WDR25: variants seen among roughly 807,000 people sequenced by gnomAD.
WDR25 encodes WD repeat-containing protein 25.
Under a neutral mutation model 47.7 loss-of-function variants are expected in WDR25, and 35 were observed. The ratio of observed to expected loss-of-function variants is 0.73; its 90% CI spans 0.56 to 0.97. The LOEUF is 0.97. Among genes scored for constraint, WDR25 ranks in the 50% least tolerant of loss-of-function variants. The probability of loss-of-function intolerance (pLI) is 0.00; values close to 1 mark genes in which losing one functional copy is unlikely to be tolerated. For synonymous variants in WDR25, 248 were observed against 278.9 expected (o/e 0.89, Z 1.10); for missense variants, 634 against 704.7 (o/e 0.90, Z 1.14).
Position 100,525,718 on chromosome 14 carries a change from T to C in WDR25, c.1102-152T>C. The C allele has an allele frequency of 1.2e-6, 1 of 855,784 alleles. No individual in the cohort carries two copies. The highest frequency in any genetic ancestry group is 1.8e-6 in the Non-Finnish European group (1 of 568,852). The allele number at this position is 855,784 out of a possible 1,614,324, so 53.0% of individuals were successfully genotyped here. ...TGGGGCAGGAGGGTCCATGATTCCA[T>C]ATATGGCTTGTGGGTGCTGCTCAGC... On this transcript the variant is annotated intron_variant, in intron 4 of 6. Transcript: ENST00000402312. This position sits in a 1 kb window ranked among gnomAD's most constrained non-coding sequence, Gnocchi z 4.6.
rs1040059603 is a variant in WDR25 at position 100,407,520 on chromosome 14, C to T, written c.822+25774C>T. On this transcript the variant is annotated intron_variant, in intron 2 of 6. Transcript: ENST00000402312. This position sits in a 1 kb window ranked among gnomAD's most constrained non-coding sequence, Gnocchi z 4.1. Reference sequence around the variant, plus strand: ...GTGGGGCTCATGGATGGTTTTAGGCCCTTCTGCCCCCTTTGTCAGTGTGCC... The same window carrying T: ...GTGGGGCTCATGGATGGTTTTAGGCTCTTCTGCCCCCTTTGTCAGTGTGCC... 6.6e-6 allele frequency: 1 copy of T among 152,234 alleles called. No individual in the cohort carries two copies. The highest frequency in any genetic ancestry group is 1.5e-5 in the Non-Finnish European group (1 of 68,114). 9.4% of individuals were successfully genotyped at this position (152,234 alleles called of 1,614,324 possible).
intron 2 of WDR25, among the ~76,000 whole-genome samples, chr14:100,438,521 T>C (rs1898568654): frequency 6.6e-6 from 1 of 152,256 alleles, no homozygotes; most frequent in Non-Finnish European, 1.5e-5. Flanking sequence ...TGAGCTTTTA[T>C]TGAACGCCCA....
At chr14:100,495,536 C>T (rs1900703779) in intron 4 of WDR25, among the ~76,000 whole-genome samples, 1 of 152,220 alleles carries the variant, frequency 6.6e-6, no homozygotes, top group South Asian at 2.1e-4. Context: ...TTTAATCTCT[C>T]TGACTTGTCC....
chr14:100,418,172 C>G (rs1179311395), intron 2 of WDR25, among the ~76,000 whole-genome samples: 1 of 151,252 alleles, frequency 6.6e-6, no homozygotes, highest in Admixed American at 6.6e-5. Context: ...GAACTCCTGA[C>G]CTCGTGATCC....
rs1901126149 is a variant in WDR25 at position 100,506,764 on chromosome 14, GT to G, written c.1102-19099del. On this transcript the variant is annotated intron_variant, in intron 4 of 6. Transcript: ENST00000402312. This position sits in a 1 kb window ranked among gnomAD's most constrained non-coding sequence, Gnocchi z 4.8. ...GGCCCATTTTTTAATAGGGTTATTT[GT>G]TTTTTTGCTTGTTCAATTGTTTAAG... Among the ~76,000 whole-genome samples, 1 of 151,804 alleles carries G rather than the reference GT, an allele frequency of 6.6e-6. No homozygotes were observed. The highest frequency in any genetic ancestry group is 1.5e-5 in the Non-Finnish European group (1 of 67,906).
intron 2 of WDR25, among the ~76,000 whole-genome samples, chr14:100,389,863 C>T (rs183180486): frequency 3.9e-4 from 59 of 152,276 alleles, no homozygotes; most frequent in African/African-American, 1.0e-3. Context: ...CCCCATAGAA[C>T]GAGGGCCATA....
intron 2 of WDR25, among the ~76,000 whole-genome samples, chr14:100,459,890 G>GTGTGTGTATATATA (rs1555392120): frequency 1.9e-3 from 93 of 47,788 alleles, no homozygotes; most frequent in African/African-American, 7.1e-3. Context: ...ATATGTGTGT[G>GTGTGTGTATATATA]TGTGTATATA....
intron 2 of WDR25, among the ~76,000 whole-genome samples, chr14:100,432,889 A>G (rs1033131984): frequency 3.3e-5 from 5 of 152,354 alleles, no homozygotes; most frequent in Middle Eastern, 3.4e-3. Flanking sequence ...CCCAGGCTAT[A>G]TGGTATAACC....
At position 100,440,177 on chromosome 14, in the gene WDR25, T is replaced by C. The variant is rs567702754; in HGVS notation, c.823-27844T>C. Among the ~76,000 whole-genome samples the C allele has an allele frequency of 2.0e-5, 3 of 152,374 alleles. No individual in the cohort carries two copies. The highest frequency in any genetic ancestry group is 4.8e-5 in the African/African-American group (2 of 41,588). ...TAGTCCTGGGGTGGAAAGCAGCGTT[T>C]TCCTTTTTCAATTTCAACCTGACTC... On this transcript the variant is annotated intron_variant, in intron 2 of 6. Coordinates refer to ENST00000402312, the MANE Select transcript of WDR25 (RefSeq NM_001161476.3). The surrounding 1 kb of genome is among the most constrained non-coding windows in gnomAD (Gnocchi z 4.4).
chr14:100,529,232 G>A lies in WDR25; in HGVS notation c.1413+24G>A, dbSNP rs1253309754. 1 of 1,612,296 alleles carries A rather than the reference G, an allele frequency of 6.2e-7. No homozygotes were observed. Among genetic ancestry groups the A allele is most frequent in the African/African-American group, 1.3e-5 (1 of 75,062 alleles). On this transcript the variant is annotated intron_variant, in intron 6 of 6. Coordinates refer to ENST00000402312, the MANE Select transcript of WDR25 (RefSeq NM_001161476.3). The surrounding 1 kb of genome is among the most constrained non-coding windows in gnomAD (Gnocchi z 5.1). ...AGGTACTTCTGTCCTTGTCCCCCAGGCGAATGCTGAGCCCCAGCCCCAAGC... is the reference window on the plus strand; with the variant it reads ...AGGTACTTCTGTCCTTGTCCCCCAGACGAATGCTGAGCCCCAGCCCCAAGC...
intron 4 of WDR25, among the ~76,000 whole-genome samples, chr14:100,520,346 A>C (rs190017569): frequency 3.0e-4 from 45 of 152,182 alleles, no homozygotes; most frequent in Middle Eastern, 3.4e-3. Flanking sequence ...TTTTATGCTA[A>C]CATTTTTAAA....
intron 2 of WDR25, among the ~76,000 whole-genome samples, chr14:100,409,538 G>A (rs1200455594): frequency 6.6e-6 from 1 of 150,642 alleles, no homozygotes; most frequent in Non-Finnish European, 1.5e-5. Context: ...CCCCATCATT[G>A]CTGTTAGGCA....
intron 2 of WDR25, among the ~76,000 whole-genome samples, chr14:100,395,972 G>GTTTTTTTTTTT (rs575737706): frequency 8.5e-6 from 1 of 117,254 alleles, no homozygotes; most frequent in Non-Finnish European, 1.8e-5. Context: ...TCTGTGAAAT[G>GTTTTTTTTTTT]TTTTTTTTTT....
At chr14:100,509,731 G>C (rs1418740195) in intron 4 of WDR25, among the ~76,000 whole-genome samples, 1 of 152,116 alleles carries the variant, frequency 6.6e-6, no homozygotes. Flanking sequence ...TTTACTTCTA[G>C]AAGTTGTATA....
chr14:100,376,548 G>T, intron 1 of WDR25, 53 bp downstream of exon 1: 1 of 1,231,836 alleles, frequency 8.1e-7, no homozygotes, highest in Non-Finnish European at 1.0e-6. Context: ...ACTGGGCAGC[G>T]CCTAAAGCGC....
chr14:100,428,652 C>T lies in WDR25; in HGVS notation c.823-39369C>T, dbSNP rs912216349. On this transcript the variant is annotated intron_variant, in intron 2 of 6. Transcript: ENST00000402312. This position sits in a 1 kb window ranked among gnomAD's most constrained non-coding sequence, Gnocchi z 4.3. ...GAGCCCCCTCTTCCCTGGTCTTATC[C>T]CTCGGAGGTGCTCTGCTGAGAGCTG... 6.6e-6 allele frequency among the ~76,000 whole-genome samples: 1 copy of T among 152,160 alleles called. No individual in the cohort carries two copies. Among genetic ancestry groups the T allele is most frequent in the Admixed American group, 6.5e-5 (1 of 15,278 alleles).
chr14:100,446,264 G>A (rs1898828548), intron 2 of WDR25, among the ~76,000 whole-genome samples: 1 of 152,158 alleles, frequency 6.6e-6, no homozygotes, highest in Non-Finnish European at 1.5e-5. Flanking sequence ...ATCAGAATTA[G>A]TAAAAATGGG....
intron 2 of WDR25, among the ~76,000 whole-genome samples, chr14:100,442,885 A>G (rs1487496173): frequency 6.6e-6 from 1 of 152,266 alleles, no homozygotes; most frequent in Non-Finnish European, 1.5e-5. Context: ...GAATCAGGAC[A>G]TAGCAATTAC....
Position 100,381,415 on chromosome 14 carries a change from T to G in WDR25, c.491T>G (p.Phe164Cys). 1 of 1,614,184 alleles carries G rather than the reference T, an allele frequency of 6.2e-7. No homozygotes were observed. The highest frequency in any genetic ancestry group is 8.5e-7 in the Non-Finnish European group (1 of 1,180,036). ...ACCGTAGGTAAAAATGGCAGCTCTT[T>G]TCAGAAGAAAAAATGTGAGGACTGT... ...SETVGKNGSS[F>C]QKKKCEDCVV... Residue 164 changes from phenylalanine (F) to cysteine (C), a missense_variant, in exon 2 of 7, where the codon TTT (phenylalanine) becomes TGT (cysteine). Transcript: ENST00000402312.
Sources: allele counts gnomAD v4.1 joint callset (sites outside exome capture counted in the v4.1 genomes callset), GRCh38; gene constraint gnomAD v4.1.1; non-coding constraint Gnocchi (gnomAD v3.1); transcripts MANE v1.5; gene names NCBI Gene and HGNC (gene_info 2026-07-23, HGNC 2026-07-21).